Variants in ERBB4 observed in about 807,000 individuals in gnomAD.
The protein encoded by ERBB4 is erb-b2 receptor tyrosine kinase 4, also known as receptor tyrosine-protein kinase erbB-4.
A neutral mutation model predicts 158.0 loss-of-function variants in ERBB4; 42 were observed. That is an observed-to-expected ratio of 0.27 (90% CI 0.21 to 0.34). The LOEUF is 0.34. Among genes scored for constraint, ERBB4 ranks in the 10% least tolerant of loss-of-function variants. ERBB4 has a pLI of 1.00. For missense variants in ERBB4, 1,333 were observed against 1,624.1 expected (o/e 0.82, Z 3.08); for synonymous variants, 583 against 558.7 (o/e 1.04, Z -0.61).
intron 5 of ERBB4, among the ~76,000 whole-genome samples, chr2:211,743,476 G>T (rs1001688113): frequency 2.0e-5 from 3 of 152,124 alleles, no homozygotes; most frequent in Non-Finnish European, 4.4e-5. Flanking sequence ...AGATAAAAAA[G>T]GACATGCAGT....
intron 1 of ERBB4, among the ~76,000 whole-genome samples, chr2:212,342,155 T>C (rs923422384): frequency 1.3e-5 from 2 of 152,254 alleles, no homozygotes; most frequent in Middle Eastern, 6.8e-3. Context: ...TCCCAGCTAT[T>C]TGGGAGGCTG....
At chr2:212,465,805 C>T (rs1478778224) in intron 1 of ERBB4, among the ~76,000 whole-genome samples, 6 of 152,196 alleles carry the variant, frequency 3.9e-5, no homozygotes, top group Non-Finnish European at 7.3e-5. Context: ...TTATTGTCCT[C>T]TTTTCCCCAT....
At chr2:211,387,830 C>A (rs10182491) in intron 26 of ERBB4, 115 bp downstream of exon 26, 29 of 824,250 alleles carry the variant, frequency 3.5e-5, no homozygotes, top group African/African-American at 2.7e-4. Flanking sequence ...ACACCAAATT[C>A]TTAACTCACT....
intron 3 of ERBB4, among the ~76,000 whole-genome samples, chr2:211,849,295 G>A (rs2077662346): frequency 6.6e-6 from 1 of 151,788 alleles, no homozygotes; most frequent in Admixed American, 6.6e-5. Flanking sequence ...AAAACAGATG[G>A]GAGTATTCTA....
At chr2:211,546,357 A>G (rs2125693310) in intron 20 of ERBB4, among the ~76,000 whole-genome samples, 1 of 152,248 alleles carries the variant, frequency 6.6e-6, no homozygotes, top group African/African-American at 2.4e-5. Context: ...ACACATATAC[A>G]CACATATAGT....
Position 212,299,116 on chromosome 2 carries a change from C to G in ERBB4, c.83-174213G>C, listed in dbSNP as rs142173246. ...GAGCTAAGTATTATAATTACTGATA[C>G]CATCTCACAGACCAAAAGAGTGAGG... On this transcript the variant is annotated intron_variant, in intron 1 of 27. Transcript: ENST00000342788. Among the ~76,000 whole-genome samples the G allele has an allele frequency of 1.0e-3, 156 of 151,694 alleles. 1 individual carries two copies. The highest frequency in any genetic ancestry group is 2.5e-3 in the Admixed American group (38 of 15,184).
chr2:212,374,916 T>C (rs917036002), intron 1 of ERBB4, among the ~76,000 whole-genome samples: 9 of 93,058 alleles, frequency 9.7e-5, no homozygotes, highest in Admixed American at 9.0e-5. Context: ...GAAATAAATA[T>C]GGGGAAAAAA....
chr2:212,109,641 G>A (rs2079342338), intron 2 of ERBB4, among the ~76,000 whole-genome samples: 3 of 152,198 alleles, frequency 2.0e-5, no homozygotes, highest in East Asian at 1.9e-4. Flanking sequence ...AATCTGTGCT[G>A]AGGAGCTTAC....
chr2:211,853,743 T>C (rs908470311), intron 3 of ERBB4, among the ~76,000 whole-genome samples: 3 of 152,084 alleles, frequency 2.0e-5, no homozygotes, highest in Non-Finnish European at 2.9e-5. Flanking sequence ...TTTTTTTCTA[T>C]TTAGGACTTT....
intron 3 of ERBB4, among the ~76,000 whole-genome samples, chr2:211,919,769 A>G (rs1171619625): frequency 1.3e-5 from 2 of 151,928 alleles, no homozygotes; most frequent in African/African-American, 2.4e-5. Flanking sequence ...TGATAAACAG[A>G]CCCCAGAAAG....
At chr2:211,626,726 C>A (rs2069859983) in intron 17 of ERBB4, among the ~76,000 whole-genome samples, 1 of 151,918 alleles carries the variant, frequency 6.6e-6, no homozygotes. Context: ...AGATCGAGAC[C>A]ATCCTGGCTA....
At chr2:211,801,878 A>ATCTTTC in intron 3 of ERBB4, among the ~76,000 whole-genome samples, 1 of 152,348 alleles carries the variant, frequency 6.6e-6, no homozygotes, top group South Asian at 2.1e-4. Flanking sequence ...CTTACATAGA[A>ATCTTTC]AATTAAGCTC....
intron 1 of ERBB4, among the ~76,000 whole-genome samples, chr2:212,436,527 A>G (rs2092140184): frequency 1.3e-5 from 2 of 152,208 alleles, no homozygotes; most frequent in South Asian, 4.1e-4. Context: ...CTAAGTAGCT[A>G]TGTGATCTTG....
chr2:211,785,055 A>G (rs1156444673), intron 4 of ERBB4, among the ~76,000 whole-genome samples: 1 of 148,616 alleles, frequency 6.7e-6, no homozygotes, highest in Non-Finnish European at 1.5e-5. Flanking sequence ...TCTATAGGTT[A>G]CCTTTCATTC....
intron 1 of ERBB4, among the ~76,000 whole-genome samples, chr2:212,348,391 G>C (rs537854066): frequency 6.6e-6 from 1 of 152,216 alleles, no homozygotes; most frequent in Admixed American, 6.5e-5. Context: ...AGGAAGATGA[G>C]AGTGAAGTTA....
chr2:212,498,996 C>T (rs1270731633), intron 1 of ERBB4, among the ~76,000 whole-genome samples: 1 of 151,824 alleles, frequency 6.6e-6, no homozygotes, highest in Non-Finnish European at 1.5e-5. Context: ...GTCATGGCAA[C>T]AATATTTTAT....
At chr2:211,635,058 ATC>A (rs1380736151) in intron 16 of ERBB4, among the ~76,000 whole-genome samples, 1 of 152,202 alleles carries the variant, frequency 6.6e-6, no homozygotes, top group Non-Finnish European at 1.5e-5. Context: ...ATACTAAGGG[ATC>A]TAGAATACTC....
chr2:212,497,167 A>C (rs986809076), intron 1 of ERBB4, among the ~76,000 whole-genome samples: 1 of 143,660 alleles, frequency 7.0e-6, no homozygotes, highest in African/African-American at 2.7e-5. Context: ...GACAAGAGCA[A>C]AACTCCATCT....
chr2:211,629,506 A>G (rs1356516212), intron 17 of ERBB4, among the ~76,000 whole-genome samples: 1 of 152,212 alleles, frequency 6.6e-6, no homozygotes, highest in Non-Finnish European at 1.5e-5. Context: ...CATCCCCATC[A>G]AGCTACCAAT....
Sources: allele counts gnomAD v4.1 joint callset (sites outside exome capture counted in the v4.1 genomes callset), GRCh38; gene constraint gnomAD v4.1.1; transcripts MANE v1.5; gene names NCBI Gene and HGNC (gene_info 2026-07-23, HGNC 2026-07-21).